The following LDLRAD4 variants were observed in gnomAD, a reference collection of about 807,000 sequenced individuals.
LDLRAD4 encodes the protein low-density lipoprotein receptor class A domain-containing protein 4.
A neutral mutation model predicts 17.0 loss-of-function variants in LDLRAD4; 5 were observed. That is an observed-to-expected ratio of 0.29 (90% CI 0.15 to 0.62). The LOEUF (loss-of-function observed/expected upper bound fraction) is 0.62, where lower values mean the gene tolerates loss of function less well. Ranked by LOEUF, LDLRAD4 falls within the 20% of genes least tolerant of loss-of-function variation. The pLI is 0.84. For synonymous variants in LDLRAD4, 168 were observed against 171.8 expected, an observed-to-expected ratio of 0.98 and a Z score of 0.17; for missense variants, 340 against 424.7, an observed-to-expected ratio of 0.80 and a Z score of 1.75.
intron 1 of LDLRAD4, among the ~76,000 whole-genome samples, chr18:13,316,802 G>A (rs758603659): frequency 2.0e-5 from 3 of 152,130 alleles, no homozygotes; most frequent in Non-Finnish European, 2.9e-5. Context: ...TGGTGACAGA[G>A]GAGGGAAAAC....
intron 2 of LDLRAD4, among the ~76,000 whole-genome samples, chr18:13,390,314 G>C (rs1036160937): frequency 6.6e-6 from 1 of 152,218 alleles, no homozygotes; most frequent in African/African-American, 2.4e-5. Context: ...CCGTGCTCCT[G>C]CTATGTGTCC....
intron 1 of LDLRAD4, among the ~76,000 whole-genome samples, chr18:13,256,766 C>A (rs973048426): frequency 6.6e-5 from 10 of 152,216 alleles, no homozygotes; most frequent in African/African-American, 2.4e-4. Flanking sequence ...GAGAGCCTCT[C>A]TTTCCTAAGG....
rs1252346859 is a variant in LDLRAD4, at chr18:13,321,194, C to T, written c.-383+43006C>T. 7.2e-5 allele frequency among the ~76,000 whole-genome samples: 11 copies of T among 152,208 alleles called. No individual in the cohort carries two copies. In the East Asian group the frequency reaches 1.9e-3, roughly 27 times the overall value. ...GACAGGCTGCCTGCTGCAGACAGGC[C>T]GGTCTCCTGCCCCTACCCGCCGTCT... On this transcript the variant is annotated intron_variant, in intron 1 of 5. Coordinates refer to ENST00000359446, the Ensembl canonical transcript of LDLRAD4.
intron 4 of LDLRAD4, among the ~76,000 whole-genome samples, chr18:13,633,610 C>T (rs777390280): frequency 2.6e-5 from 4 of 152,186 alleles, no homozygotes; most frequent in Non-Finnish European, 4.4e-5. Context: ...AATTGTGACA[C>T]ACCTGGCCAA....
intron 1 of LDLRAD4, among the ~76,000 whole-genome samples, chr18:13,334,115 A>G (rs2081993062): frequency 6.6e-6 from 1 of 152,038 alleles, no homozygotes; most frequent in South Asian, 2.1e-4. Flanking sequence ...TAGATGTTGT[A>G]TATATTTTGT....
intron 1 of LDLRAD4, among the ~76,000 whole-genome samples, chr18:13,338,483 A>G (rs1221507528): frequency 6.6e-6 from 1 of 152,158 alleles, no homozygotes; most frequent in Non-Finnish European, 1.5e-5. Context: ...GCCCTTCTTC[A>G]GTGTAGCGTT....
At chr18:13,488,632 C>G (rs748023353) in intron 3 of LDLRAD4, 2 of 152,234 alleles carry the variant, frequency 1.3e-5, no homozygotes, top group Non-Finnish European at 2.9e-5. Flanking sequence ...GTTCTTGTTT[C>G]CCATCACCTA....
intron 3 of LDLRAD4, among the ~76,000 whole-genome samples, chr18:13,558,818 A>G (rs1432815692): frequency 1.3e-5 from 2 of 152,338 alleles, no homozygotes; most frequent in African/African-American, 2.4e-5. Flanking sequence ...CTCTGCCACC[A>G]TTGCTTTCTG....
At chr18:13,233,816 G>C (rs2042200816) in intron 1 of LDLRAD4, among the ~76,000 whole-genome samples, 1 of 151,890 alleles carries the variant, frequency 6.6e-6, no homozygotes, top group African/African-American at 2.4e-5. Flanking sequence ...CCTGCCTACC[G>C]GGCATCTCTA....
intron 1 of LDLRAD4, among the ~76,000 whole-genome samples, chr18:13,341,230 A>T (rs533844315): frequency 3.7e-4 from 56 of 151,788 alleles, no homozygotes; most frequent in African/African-American, 1.3e-3. Context: ...TTGATATTTC[A>T]TATGAATTTT....
At chr18:13,530,793 C>T (rs1296216492) in intron 3 of LDLRAD4, among the ~76,000 whole-genome samples, 2 of 145,810 alleles carry the variant, frequency 1.4e-5, no homozygotes, top group African/African-American at 2.5e-5. Flanking sequence ...AGCCTGCCCT[C>T]GAGCCAGGAG....
At chr18:13,464,754 G>A (rs1303771656) in intron 3 of LDLRAD4, among the ~76,000 whole-genome samples, 2 of 150,962 alleles carry the variant, frequency 1.3e-5, no homozygotes, top group Non-Finnish European at 2.9e-5. Flanking sequence ...TGTAGATGGG[G>A]CTTTTGAAAC....
intron 1 of LDLRAD4, among the ~76,000 whole-genome samples, chr18:13,238,387 C>T (rs1190514404): frequency 6.6e-6 from 1 of 152,190 alleles, no homozygotes; most frequent in East Asian, 1.9e-4. Flanking sequence ...ATTAGAGGTG[C>T]CTGTGCCACG....
chr18:13,229,263 C>T (rs1487013418), intron 1 of LDLRAD4, among the ~76,000 whole-genome samples: 1 of 152,218 alleles, frequency 6.6e-6, no homozygotes, highest in Non-Finnish European at 1.5e-5. Flanking sequence ...AGCTGTCCCT[C>T]CTGGGCCCCT....
intron 3 of LDLRAD4, among the ~76,000 whole-genome samples, chr18:13,485,013 A>G (rs780617818): frequency 6.6e-6 from 1 of 152,196 alleles, no homozygotes; most frequent in Non-Finnish European, 1.5e-5. Flanking sequence ...CTCTATCACG[A>G]CACCGTCTCC....
chr18:13,454,948 G>A (rs1043863390), intron 3 of LDLRAD4, among the ~76,000 whole-genome samples: 2 of 152,276 alleles, frequency 1.3e-5, no homozygotes, highest in Non-Finnish European at 2.9e-5. Context: ...AGCAGGGCAT[G>A]CGCCCTGGTG....
chr18:13,374,039 C>T (rs868289643), intron 1 of LDLRAD4, among the ~76,000 whole-genome samples: 2 of 152,138 alleles, frequency 1.3e-5, no homozygotes, highest in African/African-American at 4.8e-5. Flanking sequence ...AAAATGTGTA[C>T]GTTTGATCCT....
chr18:13,329,287 G>A (rs751368268), intron 1 of LDLRAD4, among the ~76,000 whole-genome samples: 3 of 152,168 alleles, frequency 2.0e-5, no homozygotes, highest in Non-Finnish European at 4.4e-5. Flanking sequence ...CATACTAGAG[G>A]CCTGTTTCTC....
At chr18:13,330,016 C>T (rs910373583) in intron 1 of LDLRAD4, among the ~76,000 whole-genome samples, 6 of 151,186 alleles carry the variant, frequency 4.0e-5, no homozygotes, top group East Asian at 3.9e-4. Flanking sequence ...AGTGCAGTGG[C>T]GCGATCTCCG....
Sources: gnomAD v4.1 joint callset for allele counts (sites outside exome capture counted in the v4.1 genomes callset) on GRCh38, gnomAD v4.1.1 for gene constraint, MANE v1.5 for transcripts, NCBI Gene and HGNC (gene_info 2026-07-23, HGNC 2026-07-21) for gene names.